The following PHRF1 variants were observed in gnomAD, a reference collection of about 807,000 sequenced individuals.
The protein encoded by PHRF1 is PHD and ring finger domains 1.
In PHRF1, 53 loss-of-function variants were observed where a neutral mutation model predicts 128.9. The observed-to-expected ratio is 0.41, with a 90% CI of 0.33 to 0.52. The LOEUF (loss-of-function observed/expected upper bound fraction) is 0.52. PHRF1 is among the 20% of genes least tolerant of loss of function. PHRF1 has a pLI of 0.21. For synonymous variants in PHRF1, 1,178 were observed against 980.6 expected (o/e 1.20, Z -3.76); for missense variants, 2,503 against 2,284.5 (o/e 1.10, Z -1.95).
Position 610,647 on chromosome 11 carries a change from G to T in PHRF1, c.4563G>T (p.Val1521=), listed in dbSNP as rs759696582. The T allele has an allele frequency of 4.9e-5, 79 of 1,603,642 alleles. 1 individual carries two copies. The South Asian group carries it at 8.6e-4, about 17-fold the overall frequency. Residue 1521 remains valine, a synonymous_variant, in exon 16 of 18, where the codon GTG becomes GTT. Transcript: ENST00000264555. ...GCGAAQTLAP[V]PAALTPASEP... ...GGGCAGCACAGACCCTGGCCCCAGT[G>T]CCCGCTGCCCTGACCCCAGCCTCAG...
intron 1 of PHRF1, among the ~76,000 whole-genome samples, chr11:581,012 T>C (rs1589855488): frequency 6.7e-6 from 1 of 149,338 alleles, no homozygotes; most frequent in Non-Finnish European, 1.5e-5. Flanking sequence ...TTAGTAGAGA[T>C]GGGGTTTCTC....
In PHRF1 at chr11:606,576, C is replaced by T; in HGVS notation, c.1589C>T (p.Ser530Phe). 6.2e-7 allele frequency: 1 copy of T among 1,607,014 alleles called. No homozygotes were observed. Residue 530 changes from serine (S) to phenylalanine (F), a missense_variant, in exon 13 of 18, where the codon TCC becomes TTC. Coordinates refer to ENST00000264555, the MANE Select transcript of PHRF1 (RefSeq NM_001286581.2). ...SSDVIIHRDG[S>F]LSAKRAAPVS... ...GATGTCATCATCCACCGCGACGGCT[C>T]CCTCAGCGCCAAGAGGGCGGGTGAG...
In PHRF1 at chr11:582,047, G is replaced by A. The variant is rs766169343; in HGVS notation, c.180G>A (p.Gly60=). 5 of 1,604,086 alleles carry A rather than the reference G, an allele frequency of 3.1e-6. No individual in the cohort carries two copies. The highest frequency in any genetic ancestry group is 4.3e-6 in the Non-Finnish European group (5 of 1,175,598). ...ATGGCACAGACGGAGAAGACGAGGGGGCGTCTGAGGAGGAAGACCTGGAAG... is the reference window on the plus strand; with the variant it reads ...ATGGCACAGACGGAGAAGACGAGGGAGCGTCTGAGGAGGAAGACCTGGAAG... ...HGDGTDGEDE[G]ASEEEDLEDR... Residue 60 remains glycine (G), a synonymous_variant, in exon 3 of 18, where the codon GGG becomes GGA. Transcript: ENST00000264555.
intron 9 of PHRF1, among the ~76,000 whole-genome samples, chr11:601,144 C>T (rs1239860522): frequency 6.6e-6 from 1 of 151,726 alleles, no homozygotes; most frequent in Non-Finnish European, 1.5e-5. Flanking sequence ...GAGCAAGACT[C>T]CGTCTCAGAA....
intron 5 of PHRF1, 23 bp from the exon 6 acceptor site, chr11:592,536 G>A: frequency 1.9e-6 from 3 of 1,609,454 alleles, no homozygotes; most frequent in Non-Finnish European, 2.6e-6. Flanking sequence ...CCTGTGTGGT[G>A]GTGACCGACG....
chr11:581,675 G>A, intron 2 of PHRF1, 69 bp downstream of exon 2: 2 of 1,410,236 alleles, frequency 1.4e-6, no homozygotes, highest in Admixed American at 5.2e-5. Context: ...CCCTTTGGAG[G>A]TCGTCTGTGT....
intron 4 of PHRF1, among the ~76,000 whole-genome samples, chr11:590,189 C>G (rs754368713): frequency 2.0e-4 from 31 of 152,214 alleles, no homozygotes; most frequent in Non-Finnish European, 3.1e-4. Flanking sequence ...GCCGCACACC[C>G]CTGGAGCTGG....
intron 6 of PHRF1, among the ~76,000 whole-genome samples, chr11:593,264 T>A (rs1256289869): frequency 6.6e-6 from 1 of 152,222 alleles, no homozygotes; most frequent in Non-Finnish European, 1.5e-5. Context: ...CCCTGTTGAT[T>A]TGAATAATTT....
intron 12 of PHRF1, 144 bp from the exon 13 acceptor site, chr11:606,298 A>G (rs1161351608): frequency 9.0e-7 from 1 of 1,110,782 alleles, no homozygotes; most frequent in African/African-American, 1.6e-5. Context: ...TTAGAACAGC[A>G]GCCGGAGCCA....
chr11:589,579 G>A (rs1449242622), intron 4 of PHRF1, among the ~76,000 whole-genome samples: 4 of 23,792 alleles, frequency 1.7e-4, no homozygotes, highest in Admixed American at 5.5e-4. Flanking sequence ...ACACTCGGGG[G>A]GGCAGGAGGC....
At position 597,207 on chromosome 11, in the gene PHRF1, T is replaced by A. The variant is rs1434775753; in HGVS notation, c.718+187T>A. Among the ~76,000 whole-genome samples, 1 of 151,756 alleles carries A rather than the reference T, an allele frequency of 6.6e-6. No individual in the cohort carries two copies. Among genetic ancestry groups the A allele is most frequent in the Admixed American group, 6.6e-5 (1 of 15,246 alleles). ...GGGCTCGTCTTCTCGGGGATGTGTG[T>A]GGGGTCCATTGGCTGGGGGGTTCCG... On this transcript the variant is annotated intron_variant, in intron 7 of 17. Coordinates refer to ENST00000264555, the MANE Select transcript of PHRF1 (RefSeq NM_001286581.2). The surrounding 1 kb of genome is among the most constrained non-coding windows in gnomAD (Gnocchi z 6.5).
At chr11:591,363 T>A (rs776789018) in intron 4 of PHRF1, 21 bp from the exon 5 acceptor site, 3 of 1,585,244 alleles carry the variant, frequency 1.9e-6, no homozygotes, top group Non-Finnish European at 2.6e-6. Context: ...AAGATTCTGA[T>A]CCTGTTTTTA....
At position 601,630 on chromosome 11, in the gene PHRF1, A is replaced by C; in HGVS notation, c.1081A>C (p.Ser361Arg). The C allele has an allele frequency of 6.2e-7, 1 of 1,613,816 alleles. No homozygotes were observed. Among genetic ancestry groups the C allele is most frequent in the South Asian group, 1.1e-5 (1 of 91,078 alleles). ...KKTPSGPSAKSKSSATRSKKR... is the reference protein window; with the variant it reads ...KKTPSGPSAKRKSSATRSKKR... ...AACCCCGTCCGGACCATCCGCAAAA[A>C]GTAAGAGCTCAGCGACAAGATCTAA... The change falls in exon 10 of 18, where the codon AGT becomes CGT. Residue 361 changes from serine to arginine, a missense_variant. Ser to Arg is a moderately radical substitution (Grantham distance 110). Transcript: ENST00000264555.
chr11:593,161 G>A (rs922725591), intron 6 of PHRF1, among the ~76,000 whole-genome samples: 5 of 152,228 alleles, frequency 3.3e-5, no homozygotes, highest in African/African-American at 7.2e-5. Flanking sequence ...CTGGCTTCCC[G>A]GGAGCCTGTG....
intron 6 of PHRF1, among the ~76,000 whole-genome samples, chr11:593,600 T>A (rs957478719): frequency 2.0e-5 from 3 of 152,232 alleles, no homozygotes; most frequent in Non-Finnish European, 4.4e-5. Context: ...ACGCTGTTGT[T>A]GGTGCAGGAA....
Position 605,197 on chromosome 11 carries a change from G to T in PHRF1, c.1231G>T (p.Val411Leu). 6.2e-7 allele frequency: 1 copy of T among 1,613,580 alleles called. No homozygotes were observed. The highest frequency in any genetic ancestry group is 8.5e-7 in the Non-Finnish European group (1 of 1,179,878). The part of the protein sequence containing the change: ...RPVHSSCIPS[V>L]LKPVEPSLGL... ...TGTTCACAGCAGCTGCATCCCGTCA[G>T]TGTTGAAGCCAGTGGAGCCCTCTTT... is the stretch of plus-strand genomic sequence containing the variant. Residue 411 changes from valine to leucine, a missense_variant, in exon 11 of 18, where the codon GTG becomes TTG. Transcript: ENST00000264555.
At chr11:589,239 G>A (rs1247566950) in intron 4 of PHRF1, among the ~76,000 whole-genome samples, 1 of 152,152 alleles carries the variant, frequency 6.6e-6, no homozygotes. Context: ...TTAGAAATAA[G>A]TCATAAGGAG....
intron 1 of PHRF1, among the ~76,000 whole-genome samples, chr11:579,607 C>T (rs879912901): frequency 1.3e-5 from 2 of 152,180 alleles, no homozygotes; most frequent in Non-Finnish European, 2.9e-5. Flanking sequence ...GATTCAGGTG[C>T]GGGACGAGCA....
Position 607,444 on chromosome 11 carries a change from C to T in PHRF1, c.1988C>T (p.Pro663Leu), listed in dbSNP as rs761966213. Residue 663 changes from proline (P) to leucine (L), a missense_variant, in exon 14 of 18, where the codon CCG becomes CTG. Transcript: ENST00000264555. Reference protein sequence around the residue: ...DSKPPCRSVVPGPPLKPAPRR... With the variant: ...DSKPPCRSVVLGPPLKPAPRR... ...AAGCCCCCATGTCGCAGTGTGGTGC[C>T]GGGGCCTCCCCTGAAGCCAGCGCCC... is the stretch of plus-strand genomic sequence containing the variant. 3.2e-5 allele frequency: 52 copies of T among 1,612,726 alleles called. No homozygotes were observed. In the South Asian group the frequency reaches 4.0e-4, roughly 12 times the overall value.
Sources: allele counts gnomAD v4.1 joint callset (sites outside exome capture counted in the v4.1 genomes callset), GRCh38; gene constraint gnomAD v4.1.1; non-coding constraint Gnocchi (gnomAD v3.1); transcripts MANE v1.5; gene names NCBI Gene and HGNC (gene_info 2026-07-23, HGNC 2026-07-21).